ELOC: variants seen among roughly 807,000 people sequenced by gnomAD.
The protein encoded by ELOC is elongin C.
For missense variants in ELOC, 38 were observed against 139.0 expected (o/e 0.27, Z 3.65); for synonymous variants, 40 against 51.3 (o/e 0.78, Z 0.94).
In ELOC at chr8:73,971,032, CAA is replaced by C. The variant is rs67188912; in HGVS notation, c.-51+1043_-51+1044del. ...CTCAGGACAGAGCGAGACTCCGTCT[CAA>C]AAAAAAAAAAAAAAAAAGAAAAAGA... On this transcript the variant is annotated intron_variant, in intron 1 of 3. Transcript: ENST00000520242. Among the ~76,000 whole-genome samples the C allele has an allele frequency of 1.0e-3, 62 of 62,028 alleles. 1 individual carries two copies. The highest frequency in any genetic ancestry group is 8.6e-3 in the Middle Eastern group (1 of 116). The allele number at this position is 62,028 out of a possible 152,430, so 40.7% of individuals were successfully genotyped here.
intron 3 of ELOC, among the ~76,000 whole-genome samples, chr8:73,949,411 A>C (rs1813604135): frequency 6.6e-6 from 1 of 152,254 alleles, no homozygotes; most frequent in East Asian, 1.9e-4. Flanking sequence ...AGATTTATAT[A>C]ACATAAAATC....
chr8:73,958,737 T>C (rs1814380857), intron 2 of ELOC, among the ~76,000 whole-genome samples: 1 of 152,228 alleles, frequency 6.6e-6, no homozygotes, highest in South Asian at 2.1e-4. Context: ...AAGGTAAAAT[T>C]ACTCACTAAA....
rs535458196 is a variant in ELOC at position 73,970,929 on chromosome 8, G to A, written c.-51+1148C>T. Among the ~76,000 whole-genome samples the A allele has an allele frequency of 4.2e-4, 62 of 148,158 alleles. No individual in the cohort carries two copies. In the East Asian group the frequency reaches 0.012, roughly 29 times the overall value. On this transcript the variant is annotated intron_variant, in intron 1 of 3. Transcript: ENST00000520242. ...CGCGCCTGTAATCCCAGCTGCTCCA[G>A]AGGCTGAGGCAGGAGAATGGCTTGA... is the stretch of plus-strand genomic sequence containing the variant.
chr8:73,951,726 C>T (rs1256817890), intron 3 of ELOC, among the ~76,000 whole-genome samples: 1 of 152,066 alleles, frequency 6.6e-6, no homozygotes, highest in African/African-American at 2.4e-5. Context: ...TCCCAAATAG[C>T]CCAAACAATC....
chr8:73,960,295 T>C (rs571543876), intron 1 of ELOC, among the ~76,000 whole-genome samples: 2 of 152,174 alleles, frequency 1.3e-5, no homozygotes, highest in Non-Finnish European at 2.9e-5. Flanking sequence ...GGTCCTGTTG[T>C]ATAATAAAGA....
chr8:73,962,587 C>G (rs1216007912), intron 1 of ELOC, among the ~76,000 whole-genome samples: 1 of 144,932 alleles, frequency 6.9e-6, no homozygotes, highest in Non-Finnish European at 1.5e-5. Context: ...AAAAAAAAAA[C>G]AAAACAAATG....
intron 1 of ELOC, among the ~76,000 whole-genome samples, chr8:73,966,145 C>A (rs1814954043): frequency 6.6e-6 from 1 of 152,120 alleles, no homozygotes; most frequent in African/African-American, 2.4e-5. Context: ...ATGCTAGATG[C>A]TCACCTAGGC....
chr8:73,948,386 ATC>A (rs2131063289), intron 3 of ELOC, among the ~76,000 whole-genome samples: 1 of 152,280 alleles, frequency 6.6e-6, no homozygotes, highest in South Asian at 2.1e-4. Flanking sequence ...GATCATTAGG[ATC>A]CCTGTGTTGT....
chr8:73,963,048 G>T (rs1346117641), intron 1 of ELOC, among the ~76,000 whole-genome samples: 1 of 152,178 alleles, frequency 6.6e-6, no homozygotes, highest in African/African-American at 2.4e-5. Flanking sequence ...ACTCGTAGGG[G>T]AACCGCTGGA....
In ELOC at chr8:73,959,950, T is replaced by C. The variant is rs1182133742; in HGVS notation, c.-50-132A>G. 3 of 427,752 alleles carry C rather than the reference T, an allele frequency of 7.0e-6. No individual in the cohort carries two copies. In the East Asian group the frequency reaches 1.1e-4, roughly 16 times the overall value. 26.5% of individuals were successfully genotyped at this position (427,752 alleles called of 1,614,324 possible). On this transcript the variant is annotated intron_variant, in intron 1 of 3. Transcript: ENST00000520242. Reference sequence around the variant, plus strand: ...GGTTACATTACGAGCTCACCATTCCTACAACAAAAACACTGTACTTTTATA... The same window carrying C: ...GGTTACATTACGAGCTCACCATTCCCACAACAAAAACACTGTACTTTTATA...
chr8:73,970,501 G>A (rs191770871), intron 1 of ELOC: 2 of 152,054 alleles, frequency 1.3e-5, no homozygotes, highest in Non-Finnish European at 2.9e-5. Context: ...AAGAAAAAGA[G>A]GAACGGTCAC....
chr8:73,963,013 A>G (rs1012359857), intron 1 of ELOC, among the ~76,000 whole-genome samples: 6 of 152,230 alleles, frequency 3.9e-5, no homozygotes, highest in Admixed American at 1.3e-4. Flanking sequence ...GAATTCTGGA[A>G]ATATGAATTG....
chr8:73,952,674 G>A lies in ELOC; in HGVS notation c.148+3237C>T, dbSNP rs185218745. On this transcript the variant is annotated intron_variant, in intron 3 of 3. Coordinates refer to ENST00000520242, the MANE Select transcript of ELOC (RefSeq NM_005648.4). ...CGGGCGCCTGTGGTCCCAGCTACTC[G>A]GGAGGCTGAGGCAGGAGAATGGCAT... Among the ~76,000 whole-genome samples, 257 of 150,726 alleles carry A rather than the reference G, an allele frequency of 1.7e-3. 1 individual carries two copies. The highest frequency in any genetic ancestry group is 0.01 in the Middle Eastern group (3 of 286).
At chr8:73,968,228 T>C (rs559053325) in intron 1 of ELOC, among the ~76,000 whole-genome samples, 20 of 152,300 alleles carry the variant, frequency 1.3e-4, no homozygotes, top group Middle Eastern at 3.4e-3. Context: ...AATGAGACAA[T>C]TGGACTCAAT....
At chr8:73,964,177 G>A (rs1814809639) in intron 1 of ELOC, among the ~76,000 whole-genome samples, 1 of 145,570 alleles carries the variant, frequency 6.9e-6, no homozygotes, top group Non-Finnish European at 1.5e-5. Context: ...TCCCTGGATA[G>A]TGAATGATGG....
chr8:73,968,045 C>G (rs1443686107), intron 1 of ELOC, among the ~76,000 whole-genome samples: 1 of 152,162 alleles, frequency 6.6e-6, no homozygotes, highest in African/African-American at 2.4e-5. Context: ...TGAGAAGGTC[C>G]ACAGCTTTCA....
intron 1 of ELOC, among the ~76,000 whole-genome samples, chr8:73,961,514 C>T (rs1367006840): frequency 1.3e-5 from 2 of 151,720 alleles, no homozygotes; most frequent in Admixed American, 6.6e-5. Context: ...TACCATCACT[C>T]TCTCTTTTTT....
chr8:73,946,857 A>T, intron 3 of ELOC, 37 bp from the exon 4 acceptor site: 3 of 1,560,180 alleles, frequency 1.9e-6, no homozygotes, highest in Non-Finnish European at 2.6e-6. Flanking sequence ...TATTGGCTGA[A>T]TTGTGTCCTC....
At chr8:73,952,327 G>T (rs140423295) in intron 3 of ELOC, among the ~76,000 whole-genome samples, 1,868 of 151,768 alleles carry the variant, frequency 0.012, 144 homozygotes, top group Admixed American at 0.11. Flanking sequence ...TCGGTTGAGG[G>T]TGCAGTGAGG....
Sources: allele counts gnomAD v4.1 joint callset (sites outside exome capture counted in the v4.1 genomes callset), GRCh38; gene constraint gnomAD v4.1.1; transcripts MANE v1.5; gene names NCBI Gene and HGNC (gene_info 2026-07-23, HGNC 2026-07-21).